The following RECQL5 variants were observed in gnomAD, a reference collection of about 807,000 sequenced individuals.
RECQL5 encodes the protein ATP-dependent DNA helicase Q5.
RECQL5 carries 88 observed loss-of-function variants against 103.4 expected under a neutral mutation model. That is an observed-to-expected ratio of 0.85 (90% CI 0.72 to 1.02). The LOEUF (loss-of-function observed/expected upper bound fraction) is 1.02, where lower values mean the gene tolerates loss of function less well. Among genes scored for constraint, RECQL5 ranks in the 50% least tolerant of loss-of-function variants. The pLI, the probability that RECQL5 is intolerant of heterozygous loss-of-function variation, is 0.00. For missense variants in RECQL5, 1,232 were observed against 1,284.3 expected, an observed-to-expected ratio of 0.96 and a Z score of 0.62; for synonymous variants, 552 against 507.9, an observed-to-expected ratio of 1.09 and a Z score of -1.17.
intron 4 of RECQL5, 94 bp from the exon 5 acceptor site, chr17:75,661,802 C>A: frequency 1.1e-6 from 1 of 907,938 alleles, no homozygotes; most frequent in Non-Finnish European, 1.7e-6. Flanking sequence ...GCTCTGTGTT[C>A]CTTCTCTCGT....
intron 13 of RECQL5, 111 bp downstream of exon 13, chr17:75,630,508 G>T: frequency 8.6e-7 from 1 of 1,169,348 alleles, no homozygotes; most frequent in Non-Finnish European, 1.3e-6. Context: ...GAGTAGGAGA[G>T]GTACAATCTG....
At chr17:75,628,102 C>T (rs540649263) in intron 18 of RECQL5, 116 bp downstream of exon 18, 126 of 891,754 alleles carry the variant, frequency 1.4e-4, no homozygotes, top group Non-Finnish European at 1.9e-4. Context: ...GGAGGACGGG[C>T]GTGGGGCTGG....
At position 75,627,440 on chromosome 17, in the gene RECQL5, C is replaced by G; in HGVS notation, c.2958G>C (p.Leu986=). The G allele has an allele frequency of 1.2e-6, 2 of 1,613,500 alleles. No homozygotes were observed. Among genetic ancestry groups the G allele is most frequent in the Non-Finnish European group, 1.7e-6 (2 of 1,179,966 alleles). ...RCESEADWHG[L]CGPQR ...CAGTTGGTCATCTCTGGGGGCCACA[C>G]AGGCCATGCCAGTCAGCTTCGCTCT... The change falls in exon 20 of 20, where the codon CTG becomes CTC. Residue 986 remains leucine, a synonymous_variant. Transcript: ENST00000317905.
intron 12 of RECQL5, 26 bp downstream of exon 12, chr17:75,630,753 T>C (rs1316859237): frequency 6.4e-7 from 1 of 1,557,494 alleles, no homozygotes; most frequent in Non-Finnish European, 8.7e-7. Context: ...CCCCGGCGGG[T>C]GGCTGAGGAG....
At chr17:75,639,098 C>T (rs997350430) in intron 8 of RECQL5, 6 of 152,316 alleles carry the variant, frequency 3.9e-5, no homozygotes, top group Non-Finnish European at 1.5e-5. Context: ...GGGCCCCGTT[C>T]GATGACCTTC....
Position 75,667,093 on chromosome 17 carries a change from G to A in RECQL5, c.-64C>T, listed in dbSNP as rs1306728595. The A allele has an allele frequency of 4.7e-6, 2 of 427,704 alleles. No individual in the cohort carries two copies. Among genetic ancestry groups the A allele is most frequent in the African/African-American group, 2.1e-5 (1 of 48,680 alleles). The allele number at this position is 427,704 out of a possible 1,614,324, so 26.5% of individuals were successfully genotyped here. On this transcript the variant is annotated 5_prime_UTR_variant, in exon 1 of 20. Coordinates refer to ENST00000317905, the MANE Select transcript of RECQL5 (RefSeq NM_004259.7). ...GAATTAAAGGCTGCTGGCTGGTTCC[G>A]GAACTGTTCGAAGACCCCTATACAC... is the stretch of plus-strand genomic sequence containing the variant.
intron 8 of RECQL5, 21 bp downstream of exon 8, chr17:75,651,165 C>T: frequency 1.2e-6 from 2 of 1,614,184 alleles, no homozygotes; most frequent in Non-Finnish European, 1.7e-6. Flanking sequence ...CTTTGCTCCA[C>T]ATATAAAATA....
intron 7 of RECQL5, among the ~76,000 whole-genome samples, chr17:75,654,336 C>T (rs1200668826): frequency 6.6e-6 from 1 of 152,204 alleles, no homozygotes; most frequent in Non-Finnish European, 1.5e-5. Context: ...AACCTTCCTT[C>T]CTGGAGTCTT....
At chr17:75,661,841 C>T (rs1469884748) in intron 4 of RECQL5, 133 bp from the exon 5 acceptor site, 1 of 624,090 alleles carries the variant, frequency 1.6e-6, no homozygotes, top group African/African-American at 1.8e-5. Flanking sequence ...AGGCAGGACA[C>T]CCAGTGAGGC....
chr17:75,640,200 G>A lies in RECQL5; in HGVS notation c.1230-8532C>T. 1 of 1,546,530 alleles carries A rather than the reference G, an allele frequency of 6.5e-7. No homozygotes were observed. ...GGAGCCCCAACAGGAAGCCAGCGCGGCATGGCTGCCACCGACTTCGTGCAG... is the reference window on the plus strand; with the variant it reads ...GGAGCCCCAACAGGAAGCCAGCGCGACATGGCTGCCACCGACTTCGTGCAG... On this transcript the variant is annotated intron_variant, in intron 8 of 19. Coordinates refer to ENST00000317905, the MANE Select transcript of RECQL5 (RefSeq NM_004259.7). This position sits in a 1 kb window ranked among gnomAD's most constrained non-coding sequence, Gnocchi z 4.6.
intron 7 of RECQL5, among the ~76,000 whole-genome samples, chr17:75,656,849 C>T (rs1341429872): frequency 6.6e-6 from 1 of 150,834 alleles, no homozygotes; most frequent in African/African-American, 2.4e-5. Context: ...GGTTCACGCC[C>T]TTCTCCTGCC....
chr17:75,629,195 T>A lies in RECQL5; in HGVS notation c.2228A>T (p.Lys743Met). Residue 743 changes from lysine (K) to methionine (M), a missense_variant, in exon 16 of 20, where the codon AAG becomes ATG. Physicochemically the swap from Lys to Met is moderately conservative, Grantham distance 95. Coordinates refer to ENST00000317905, the MANE Select transcript of RECQL5 (RefSeq NM_004259.7). ...CTGCTGTTTCTTGCTAGCCCGGCCC[T>A]TGGCAAGGGAGCTGCCCCCAGAGGA... ...KSSSGGSSLA[K>M]GRASKKQQLL... The A allele has an allele frequency of 6.2e-7, 1 of 1,613,608 alleles. No homozygotes were observed. Among genetic ancestry groups the A allele is most frequent in the Non-Finnish European group, 8.5e-7 (1 of 1,179,982 alleles).
At position 75,640,086 on chromosome 17, in the gene RECQL5, G is replaced by T. The variant is rs1290379155; in HGVS notation, c.1230-8418C>A. 2.2e-6 allele frequency: 3 copies of T among 1,372,042 alleles called. No individual in the cohort carries two copies. Among genetic ancestry groups the T allele is most frequent in the Non-Finnish European group, 2.9e-6 (3 of 1,043,578 alleles). The allele number at this position is 1,372,042 out of a possible 1,614,324, so 85.0% of individuals were successfully genotyped here. A position where few individuals can be genotyped will look rare whatever the true frequency, so the allele number is the denominator to read the frequency against. On this transcript the variant is annotated intron_variant, in intron 8 of 19. Transcript: ENST00000317905. The surrounding 1 kb of genome is among the most constrained non-coding windows in gnomAD (Gnocchi z 4.6). The stretch of plus-strand genomic sequence containing the variant: ...AAACTTGTTCTGCGGGCTGCGGATG[G>T]GTGCGAGGGTGGAATCTCGGTGCTG...
intron 7 of RECQL5, among the ~76,000 whole-genome samples, chr17:75,657,537 C>T (rs992215053): frequency 2.0e-5 from 3 of 151,822 alleles, no homozygotes; most frequent in African/African-American, 7.3e-5. Flanking sequence ...TTACTTGAGC[C>T]CAGGAGTCAT....
chr17:75,658,522 A>G lies in RECQL5; in HGVS notation c.987-62T>C, dbSNP rs893636914. ...GGAGAAGCTGAGTGTCCTTTGGAGG[A>G]GTAATCATGACTAGGAGAGCAGGGA... is the stretch of plus-strand genomic sequence containing the variant. On this transcript the variant is annotated intron_variant, in intron 6 of 19. Transcript: ENST00000317905. The G allele has an allele frequency of 2.6e-6, 4 of 1,526,330 alleles. No homozygotes were observed. In the African/African-American group the frequency reaches 5.5e-5, roughly 21 times the overall value. The allele number at this position is 1,526,330 out of a possible 1,614,324, so 94.5% of individuals were successfully genotyped here. A position where few individuals can be genotyped will look rare whatever the true frequency, so the allele number is the denominator to read the frequency against.
At position 75,631,170 on chromosome 17, in the gene RECQL5, TCTGATAGAA is replaced by T. The variant is rs763844383; in HGVS notation, c.1519_1527del (p.Phe507_Gln509del). On this transcript the variant is annotated inframe_deletion, in exon 10 of 20. Transcript: ENST00000317905. ...CTCACCTTGCGCAGCTGCATCTGCT[TCTGATAGAA>T]GAGGTTCCACTCCCGCTTGTGGGCC... 18 of 1,613,898 alleles carry T rather than the reference TCTGATAGAA, an allele frequency of 1.1e-5. No homozygotes were observed. The South Asian group carries it at 1.9e-4, about 17-fold the overall frequency.
chr17:75,655,806 A>G (rs183758579), intron 7 of RECQL5, among the ~76,000 whole-genome samples: 8 of 152,208 alleles, frequency 5.3e-5, no homozygotes, highest in Admixed American at 3.3e-4. Context: ...CAGCCTTCCC[A>G]GTAGCTGGGA....
At chr17:75,659,522 A>G (rs2059671735) in intron 6 of RECQL5, among the ~76,000 whole-genome samples, 1 of 151,892 alleles carries the variant, frequency 6.6e-6, no homozygotes, top group Non-Finnish European at 1.5e-5. Flanking sequence ...ATACCTGGCT[A>G]ATTTTTAATT....
chr17:75,641,116 C>A, intron 8 of RECQL5: 1 of 759,108 alleles, frequency 1.3e-6, no homozygotes, highest in Non-Finnish European at 2.0e-6. Context: ...ACACTGGGTG[C>A]TGGGGAGTCA....
Sources: allele counts gnomAD v4.1 joint callset (sites outside exome capture counted in the v4.1 genomes callset), GRCh38; gene constraint gnomAD v4.1.1; non-coding constraint Gnocchi (gnomAD v3.1); transcripts MANE v1.5; gene names NCBI Gene and HGNC (gene_info 2026-07-23, HGNC 2026-07-21).